B3GALT1: variants seen among roughly 807,000 people sequenced by gnomAD.
B3GALT1 encodes beta-1,3-galactosyltransferase 1.
B3GALT1 carries 10 observed loss-of-function variants against 23.2 expected under a neutral mutation model. The observed-to-expected ratio is 0.43, with a 90% CI of 0.27 to 0.73. B3GALT1 has a LOEUF of 0.73. B3GALT1 is among the 30% of genes least tolerant of loss of function. B3GALT1 has a pLI of 0.21. For synonymous variants in B3GALT1, 156 were observed against 141.5 expected, an observed-to-expected ratio of 1.10 and a Z score of -0.73; for missense variants, 299 against 405.4, an observed-to-expected ratio of 0.74 and a Z score of 2.25.
chr2:167,325,058 T>G lies in B3GALT1; in HGVS notation c.-511+31724T>G, dbSNP rs12620436. Among the ~76,000 whole-genome samples, 481 of 152,298 alleles carry G rather than the reference T, an allele frequency of 3.2e-3. 21 individuals carry two copies. In the East Asian group the frequency reaches 0.064, roughly 20 times the overall value. ...TGCTGCAAATGACACGATTTCATTC[T>G]TTTGTATGGTCAAATGATATCCACA... On this transcript the variant is annotated intron_variant, in intron 1 of 4. Transcript: ENST00000392690.
chr2:167,485,108 G>A (rs1699607801), intron 1 of B3GALT1, among the ~76,000 whole-genome samples: 1 of 152,026 alleles, frequency 6.6e-6, no homozygotes, highest in Admixed American at 6.6e-5. Context: ...AAGTTTTTCA[G>A]GTTTACTTTG....
At chr2:167,753,579 A>G (rs1215788906) in intron 3 of B3GALT1, among the ~76,000 whole-genome samples, 1 of 152,110 alleles carries the variant, frequency 6.6e-6, no homozygotes, top group Non-Finnish European at 1.5e-5. Flanking sequence ...CTGTCCCCAC[A>G]GCCACCTCAT....
intron 3 of B3GALT1, among the ~76,000 whole-genome samples, chr2:167,756,043 G>A (rs1025518268): frequency 1.3e-5 from 2 of 152,058 alleles, no homozygotes; most frequent in Non-Finnish European, 2.9e-5. Context: ...TGAAATGGGA[G>A]GCAGTGTAGC....
chr2:167,597,032 G>A (rs1338170973), intron 2 of B3GALT1, among the ~76,000 whole-genome samples: 1 of 152,050 alleles, frequency 6.6e-6, no homozygotes, highest in Non-Finnish European at 1.5e-5. Context: ...CAGAGCAAAA[G>A]CCTAGATTTA....
intron 2 of B3GALT1, among the ~76,000 whole-genome samples, chr2:167,585,690 T>C (rs1684574179): frequency 1.3e-5 from 2 of 152,202 alleles, no homozygotes; most frequent in South Asian, 4.1e-4. Context: ...TTATACCCAA[T>C]ATAAATGAAT....
At chr2:167,694,624 A>G (rs1574217090) in intron 3 of B3GALT1, among the ~76,000 whole-genome samples, 1 of 152,152 alleles carries the variant, frequency 6.6e-6, no homozygotes, top group South Asian at 2.1e-4. Flanking sequence ...TTCATCAAGG[A>G]GAAGGCACAA....
chr2:167,445,088 G>T (rs1447858905), intron 1 of B3GALT1, among the ~76,000 whole-genome samples: 1 of 152,190 alleles, frequency 6.6e-6, no homozygotes, highest in Non-Finnish European at 1.5e-5. Context: ...TGGTTTCAAA[G>T]AATATCTTTA....
At chr2:167,484,606 G>A (rs1408667440) in intron 1 of B3GALT1, among the ~76,000 whole-genome samples, 1 of 152,162 alleles carries the variant, frequency 6.6e-6, no homozygotes, top group African/African-American at 2.4e-5. Flanking sequence ...CTGAAGACCT[G>A]GAATCAATAG....
intron 2 of B3GALT1, among the ~76,000 whole-genome samples, chr2:167,582,770 C>T (rs911967821): frequency 9.2e-5 from 14 of 152,146 alleles, no homozygotes. Context: ...GGGCATTCTA[C>T]AGCGATGTGC....
At chr2:167,835,609 C>A (rs1025564977) in intron 4 of B3GALT1, among the ~76,000 whole-genome samples, 1 of 152,218 alleles carries the variant, frequency 6.6e-6, no homozygotes, top group African/African-American at 2.4e-5. Flanking sequence ...GGGCAGGGCA[C>A]AGACAAACAA....
intron 2 of B3GALT1, chr2:167,558,065 A>G (rs1001698452): frequency 2.0e-5 from 3 of 152,182 alleles, no homozygotes; most frequent in African/African-American, 7.2e-5. Context: ...GGATAAAAGG[A>G]GTAATACTGA....
chr2:167,644,615 C>T (rs1190678211), intron 2 of B3GALT1, among the ~76,000 whole-genome samples: 2 of 151,718 alleles, frequency 1.3e-5, no homozygotes, highest in African/African-American at 2.4e-5. Context: ...CCCATCTCTA[C>T]TAAAAATACA....
At chr2:167,548,685 A>AGTGTGTGTGTGTGTGTGT (rs71031297) in intron 2 of B3GALT1, among the ~76,000 whole-genome samples, 26 of 144,684 alleles carry the variant, frequency 1.8e-4, no homozygotes, top group Non-Finnish European at 3.5e-4. Flanking sequence ...CGTGTGTGTG[A>AGTGTGTGTGTGTGTGTGT]GTGTGTGTGT....
intron 1 of B3GALT1, among the ~76,000 whole-genome samples, chr2:167,387,433 A>G (rs1697946440): frequency 6.6e-6 from 1 of 152,182 alleles, no homozygotes; most frequent in South Asian, 2.1e-4. Flanking sequence ...TCATCATATA[A>G]AGTCTCATTG....
At chr2:167,526,340 C>T (rs1683219958) in intron 2 of B3GALT1, among the ~76,000 whole-genome samples, 1 of 152,146 alleles carries the variant, frequency 6.6e-6, no homozygotes, top group Non-Finnish European at 1.5e-5. Flanking sequence ...TAACTTCCAT[C>T]TCTGAGGGTG....
chr2:167,385,739 T>C (rs113374804), intron 1 of B3GALT1, among the ~76,000 whole-genome samples: 2,660 of 152,234 alleles, frequency 0.017, 84 homozygotes, highest in African/African-American at 0.061. Context: ...ACCTTTTTTT[T>C]CACCAAAATT....
chr2:167,417,763 A>AAT (rs1698492121), intron 1 of B3GALT1, among the ~76,000 whole-genome samples: 1 of 152,224 alleles, frequency 6.6e-6, no homozygotes, highest in Admixed American at 6.5e-5. Flanking sequence ...AGACTATTAT[A>AAT]ATAATGGTCA....
chr2:167,756,118 A>G (rs1414475022), intron 3 of B3GALT1, among the ~76,000 whole-genome samples: 1 of 152,222 alleles, frequency 6.6e-6, no homozygotes, highest in Non-Finnish European at 1.5e-5. Flanking sequence ...AAGGGACATT[A>G]TAGATAGTCC....
intron 1 of B3GALT1, among the ~76,000 whole-genome samples, chr2:167,324,408 T>C (rs1451025826): frequency 6.6e-6 from 1 of 151,494 alleles, no homozygotes; most frequent in Non-Finnish European, 1.5e-5. Context: ...TACTTTATAA[T>C]AGATGGTAGA....
Sources: gnomAD v4.1 joint callset for allele counts (sites outside exome capture counted in the v4.1 genomes callset) on GRCh38, gnomAD v4.1.1 for gene constraint, MANE v1.5 for transcripts, NCBI Gene and HGNC (gene_info 2026-07-23, HGNC 2026-07-21) for gene names.